Variants in MALL observed in about 807,000 individuals in gnomAD.
MALL encodes mal, T cell differentiation protein like, also known as MAL-like protein.
A neutral mutation model predicts 10.3 loss-of-function variants in MALL; 2 were observed. The ratio of observed to expected loss-of-function variants is 0.19; its 90% CI spans 0.08 to 0.61. The LOEUF is 0.61. Ranked by LOEUF, MALL falls within the 20% of genes least tolerant of loss-of-function variation. The pLI, the probability that MALL is intolerant of heterozygous loss-of-function variation, is 0.88. For missense variants in MALL, 39 were observed against 115.2 expected (o/e 0.34, Z 3.03); for synonymous variants, 27 against 51.8 (o/e 0.52, Z 2.05).
At chr2:110,107,031 T>G (rs1194837379) in intron 1 of MALL, among the ~76,000 whole-genome samples, 4 of 148,810 alleles carry the variant, frequency 2.7e-5, no homozygotes, top group African/African-American at 7.5e-5. Context: ...ATTGTAGGAA[T>G]GAAATTTGTG....
intron 1 of MALL, among the ~76,000 whole-genome samples, chr2:110,107,771 C>A (rs1436101463): frequency 6.6e-6 from 1 of 152,140 alleles, no homozygotes; most frequent in African/African-American, 2.4e-5. Flanking sequence ...AGCTAAAGAC[C>A]CTCACAGAGT....
intron 1 of MALL, among the ~76,000 whole-genome samples, chr2:110,106,266 C>T (rs544374269): frequency 3.0e-4 from 45 of 152,186 alleles, no homozygotes; most frequent in Non-Finnish European, 5.3e-4. Flanking sequence ...TTCCACCCTT[C>T]GGCTTATAAA....
At chr2:110,117,603 G>GTGTA (rs1467781265), upstream of MALL, among the ~76,000 whole-genome samples, 1 of 129,890 alleles carries the variant, frequency 7.7e-6, no homozygotes, top group African/African-American at 2.9e-5. Flanking sequence ...GTGTGTGTGT[G>GTGTA]TGTGTGTGTG....
At chr2:110,111,527 G>T (rs935108078) in intron 1 of MALL, among the ~76,000 whole-genome samples, 2 of 151,928 alleles carry the variant, frequency 1.3e-5, no homozygotes, top group Non-Finnish European at 2.9e-5. Flanking sequence ...ACATAACAAA[G>T]GAGTTGAAAG....
intron 1 of MALL, among the ~76,000 whole-genome samples, chr2:110,098,575 A>G (rs1362842289): frequency 1.3e-5 from 2 of 152,180 alleles, no homozygotes; most frequent in Non-Finnish European, 2.9e-5. Context: ...ATAATATTCC[A>G]TTGCATATGT....
intron 1 of MALL, among the ~76,000 whole-genome samples, chr2:110,112,873 TA>T (rs967411340): frequency 2.0e-5 from 3 of 149,170 alleles, no homozygotes; most frequent in African/African-American, 4.9e-5. Context: ...GAAACTGTGA[TA>T]TATATATATA....
At chr2:110,095,067 A>G in intron 1 of MALL, among the ~76,000 whole-genome samples, 1 of 149,400 alleles carries the variant, frequency 6.7e-6, no homozygotes. Flanking sequence ...CCTCCTAAAC[A>G]GGAGGAGGGA....
At chr2:110,110,907 G>A (rs1678790264) in intron 1 of MALL, among the ~76,000 whole-genome samples, 1 of 152,084 alleles carries the variant, frequency 6.6e-6, no homozygotes, top group African/African-American at 2.4e-5. Context: ...TGCAAGGATG[G>A]TTTAACATAT....
At chr2:110,110,282 T>A (rs1294752058) in intron 1 of MALL, among the ~76,000 whole-genome samples, 1 of 152,134 alleles carries the variant, frequency 6.6e-6, no homozygotes, top group African/African-American at 2.4e-5. Context: ...AATAAAAAGC[T>A]GTTTCTTTGA....
chr2:110,115,679 C>T lies in MALL; in HGVS notation c.105+9G>A, dbSNP rs771335587. On this transcript the variant is annotated intron_variant, in intron 1 of 3. Coordinates refer to ENST00000272462, the MANE Select transcript of MALL (RefSeq NM_005434.5). ...TGCAGGTGGCCCGGGTCGGGGGTGCCGCACTCACCAGCTCGGGCAGGAAGA... is the reference window on the plus strand; with the variant it reads ...TGCAGGTGGCCCGGGTCGGGGGTGCTGCACTCACCAGCTCGGGCAGGAAGA... The T allele has an allele frequency of 1.6e-6, 2 of 1,270,510 alleles. No homozygotes were observed. The highest frequency in any genetic ancestry group is 2.0e-6 in the Non-Finnish European group (2 of 1,000,488). The allele number at this position is 1,270,510 out of a possible 1,614,324, so 78.7% of individuals were successfully genotyped here. A position where few individuals can be genotyped will look rare whatever the true frequency, so the allele number is the denominator to read the frequency against.
At chr2:110,115,647 C>G in intron 1 of MALL, 41 bp downstream of exon 1, 1 of 1,146,096 alleles carries the variant, frequency 8.7e-7, no homozygotes, top group Non-Finnish European at 1.1e-6. Flanking sequence ...GTCTCCCCCT[C>G]CCTCTCTGCA....
chr2:110,107,718 G>A (rs1341406298), intron 1 of MALL, among the ~76,000 whole-genome samples: 1 of 152,136 alleles, frequency 6.6e-6, no homozygotes, highest in Admixed American at 6.5e-5. Context: ...TCACCTCCTG[G>A]CAGGGGGCCA....
At chr2:110,104,891 T>C (rs1276383362) in intron 1 of MALL, among the ~76,000 whole-genome samples, 2 of 152,194 alleles carry the variant, frequency 1.3e-5, no homozygotes, top group Non-Finnish European at 1.5e-5. Context: ...GGCAGTAGTG[T>C]TTCAATAAAC....
chr2:110,107,345 TG>T (rs138702459), intron 1 of MALL, among the ~76,000 whole-genome samples: 6,471 of 152,020 alleles, frequency 0.043, 449 homozygotes, highest in African/African-American at 0.14. Flanking sequence ...TTGGGGCTGC[TG>T]GGGGGTACAC....
chr2:110,109,952 T>A (rs1238865652), intron 1 of MALL, among the ~76,000 whole-genome samples: 1 of 152,142 alleles, frequency 6.6e-6, no homozygotes, highest in Admixed American at 6.5e-5. Context: ...GGAAATTAAA[T>A]AACCTGCTTC....
At chr2:110,097,095 C>CA (rs71405880) in intron 1 of MALL, among the ~76,000 whole-genome samples, 1,676 of 139,582 alleles carry the variant, frequency 0.012, 20 homozygotes, top group African/African-American at 0.015. Flanking sequence ...CAAAACAAAA[C>CA]AAAAAAAAAA....
At chr2:110,095,529 G>T (rs1459753805) in intron 1 of MALL, among the ~76,000 whole-genome samples, 17 of 151,882 alleles carry the variant, frequency 1.1e-4, no homozygotes, top group Non-Finnish European at 1.0e-4. Context: ...AACATGAAGA[G>T]CTCCTTCATG....
At chr2:110,116,614 C>T (rs933983531), upstream of MALL, 3 of 152,402 alleles carry the variant, frequency 2.0e-5, no homozygotes, top group Non-Finnish European at 4.4e-5. Context: ...AGTGCCTTGC[C>T]CCTAACTGGG....
chr2:110,100,479 TA>T (rs112098279), intron 1 of MALL, among the ~76,000 whole-genome samples: 1,656 of 147,256 alleles, frequency 0.011, 17 homozygotes, highest in Non-Finnish European at 0.017. Flanking sequence ...TCCCCCACCC[TA>T]AAAAAAAAAA....
Sources: gnomAD v4.1 joint callset for allele counts (sites outside exome capture counted in the v4.1 genomes callset) on GRCh38, gnomAD v4.1.1 for gene constraint, MANE v1.5 for transcripts, NCBI Gene and HGNC (gene_info 2026-07-23, HGNC 2026-07-21) for gene names.